The following PRR5 variants were observed in gnomAD, a reference collection of about 807,000 sequenced individuals.
The protein encoded by PRR5 is proline rich 5, also known as proline-rich protein 5.
A neutral mutation model predicts 30.6 loss-of-function variants in PRR5; 25 were observed. The ratio of observed to expected loss-of-function variants is 0.82; its 90% confidence interval spans 0.60 to 1.14. PRR5 has a LOEUF of 1.14. PRR5 is among the 50% of genes most tolerant of loss of function. The probability of loss-of-function intolerance (pLI) is 0.00; values close to 1 mark genes in which losing one functional copy is unlikely to be tolerated. For missense variants in PRR5, 600 were observed against 547.1 expected, an observed-to-expected ratio of 1.10 and a Z score of -0.96; for synonymous variants, 286 against 247.1, an observed-to-expected ratio of 1.16 and a Z score of -1.48.
intron 1 of PRR5, among the ~76,000 whole-genome samples, chr22:44,669,564 A>C (rs138155642): frequency 9.8e-5 from 15 of 152,350 alleles, no homozygotes; most frequent in Admixed American, 5.9e-4. Flanking sequence ...CCTCTGACCT[A>C]ATCAGATGGA....
intron 2 of PRR5, among the ~76,000 whole-genome samples, chr22:44,721,232 C>T (rs947192701): frequency 5.4e-4 from 82 of 152,254 alleles, no homozygotes; most frequent in African/African-American, 1.9e-3. Context: ...AAAGCACACT[C>T]CCCAGGGTGG....
At chr22:44,725,201 C>G in intron 2 of PRR5, 43 bp from the exon 3 acceptor site, 2 of 1,610,748 alleles carry the variant, frequency 1.2e-6, no homozygotes, top group Non-Finnish European at 1.7e-6. Context: ...ATGCCAGTGC[C>G]GTGTGGTCTG....
Position 44,732,404 on chromosome 22 carries a change from G to A in PRR5, c.555+13G>A. On this transcript the variant is annotated intron_variant, in intron 6 of 7. Coordinates refer to ENST00000336985, the MANE Select transcript of PRR5 (RefSeq NM_181333.4). ...GCTGGTGCTGCAGGTGGGCACAGTG[G>A]GCAGAGGGTCGGGCATGGGGACCGT... is the stretch of plus-strand genomic sequence containing the variant. 2 of 1,600,616 alleles carry A rather than the reference G, an allele frequency of 1.2e-6. No homozygotes were observed. The highest frequency in any genetic ancestry group is 1.7e-6 in the Non-Finnish European group (2 of 1,173,814).
Position 44,731,500 on chromosome 22 carries a change from G to A in PRR5, c.323-230G>A. 6.9e-6 allele frequency: 4 copies of A among 582,324 alleles called. No homozygotes were observed. In the South Asian group the frequency reaches 8.1e-5, roughly 12 times the overall value. The allele number at this position is 582,324 out of a possible 1,614,324, so 36.1% of individuals were successfully genotyped here. On this transcript the variant is annotated intron_variant, in intron 4 of 7. Transcript: ENST00000336985. Reference sequence around the variant, plus strand: ...TCATTTCATGCCCTCAGCTCTGGGAGGCCAATCCCTTTACTGCCACATTTT... The same window carrying A: ...TCATTTCATGCCCTCAGCTCTGGGAAGCCAATCCCTTTACTGCCACATTTT...
At chr22:44,679,157 C>A (rs1439839104) in intron 1 of PRR5, among the ~76,000 whole-genome samples, 1 of 152,124 alleles carries the variant, frequency 6.6e-6, no homozygotes, top group East Asian at 1.9e-4. Flanking sequence ...GTCCATTCTG[C>A]AAACGCAGCA....
chr22:44,733,575 G>A (rs546250851), intron 6 of PRR5, among the ~76,000 whole-genome samples: 1 of 152,162 alleles, frequency 6.6e-6, no homozygotes, highest in African/African-American at 2.4e-5. Flanking sequence ...GGCCTGGCTG[G>A]GTTGAAGCGG....
At chr22:44,720,079 C>G (rs1489477925) in intron 2 of PRR5, among the ~76,000 whole-genome samples, 1 of 152,206 alleles carries the variant, frequency 6.6e-6, no homozygotes, top group African/African-American at 2.4e-5. Context: ...TCTTCTCCCT[C>G]CCTGGCATGG....
intron 1 of PRR5, among the ~76,000 whole-genome samples, chr22:44,692,885 A>C (rs892728947): frequency 6.6e-6 from 1 of 152,176 alleles, no homozygotes; most frequent in Non-Finnish European, 1.5e-5. Flanking sequence ...GGCCAGGCAC[A>C]GCTGGGTGGT....
chr22:44,714,768 A>T, intron 2 of PRR5, 97 bp downstream of exon 2: 3 of 1,482,772 alleles, frequency 2.0e-6, no homozygotes, highest in Non-Finnish European at 2.8e-6. Flanking sequence ...CCCGCCAGCC[A>T]CGCCTGTGCT....
chr22:44,707,052 C>T (rs183584134), intron 1 of PRR5, among the ~76,000 whole-genome samples: 1 of 152,260 alleles, frequency 6.6e-6, no homozygotes, highest in African/African-American at 2.4e-5. Flanking sequence ...CAGATAAAGA[C>T]ACGAAGTCTG....
intron 1 of PRR5, among the ~76,000 whole-genome samples, chr22:44,668,957 C>CGTAGGT (rs1428634297): frequency 6.7e-6 from 1 of 149,802 alleles, no homozygotes; most frequent in African/African-American, 2.5e-5. Flanking sequence ...TAGGTGCGCG[C>CGTAGGT]GCGCGCGACG....
upstream of PRR5, among the ~76,000 whole-genome samples, chr22:44,701,099 C>G (rs1427426577): frequency 6.6e-6 from 1 of 152,170 alleles, no homozygotes; most frequent in Non-Finnish European, 1.5e-5. Flanking sequence ...CCGGGCTGGT[C>G]TTGAACTCCT....
At chr22:44,709,492 T>TC (rs1022394641) in intron 1 of PRR5, among the ~76,000 whole-genome samples, 4 of 151,460 alleles carry the variant, frequency 2.6e-5, no homozygotes, top group African/African-American at 7.3e-5. Context: ...CAGGTATTTC[T>TC]CCCCCCGCCC....
At position 44,733,276 on chromosome 22, in the gene PRR5, C is replaced by G. The variant is rs543647970; in HGVS notation, c.555+885C>G. 5.9e-5 allele frequency among the ~76,000 whole-genome samples: 9 copies of G among 152,348 alleles called. No homozygotes were observed. The South Asian group carries it at 1.9e-3, about 32-fold the overall frequency. The stretch of plus-strand genomic sequence containing the variant: ...CACACTTTGCAGTTGGCCGGCTCAT[C>G]ACACTGTCGCAGGACCACACAGTCA... On this transcript the variant is annotated intron_variant, in intron 6 of 7. Coordinates refer to ENST00000336985, the MANE Select transcript of PRR5 (RefSeq NM_181333.4).
upstream of PRR5, among the ~76,000 whole-genome samples, chr22:44,672,623 C>T (rs113570803): frequency 0.018 from 2,668 of 152,244 alleles, 63 homozygotes; most frequent in African/African-American, 0.059. Context: ...CAAGAAAACA[C>T]ATGTATTTGT....
intron 2 of PRR5, among the ~76,000 whole-genome samples, chr22:44,715,839 A>T (rs1396409038): frequency 6.6e-6 from 1 of 152,048 alleles, no homozygotes; most frequent in African/African-American, 2.4e-5. Flanking sequence ...TTTTGCAGAG[A>T]TGGGAGTCTC....
At chr22:44,676,216 T>G (rs1295549755), upstream of PRR5, among the ~76,000 whole-genome samples, 1 of 150,824 alleles carries the variant, frequency 6.6e-6, no homozygotes, top group Non-Finnish European at 1.5e-5. Context: ...AGACCCAGTC[T>G]CTATTAAAAG....
At chr22:44,730,607 C>T in intron 4 of PRR5, 1 of 995,994 alleles carries the variant, frequency 1.0e-6, no homozygotes, top group Non-Finnish European at 1.2e-6. Context: ...GTATCTGTTT[C>T]AGAGACTCAC....
chr22:44,728,076 C>G (rs1921192199), intron 4 of PRR5, among the ~76,000 whole-genome samples: 1 of 152,208 alleles, frequency 6.6e-6, no homozygotes, highest in Non-Finnish European at 1.5e-5. Context: ...TTTTGTGTGG[C>G]TTGAAAGGAG....
Sources: allele counts gnomAD v4.1 joint callset (sites outside exome capture counted in the v4.1 genomes callset), GRCh38; gene constraint gnomAD v4.1.1; transcripts MANE v1.5; gene names NCBI Gene and HGNC (gene_info 2026-07-23, HGNC 2026-07-21).